HYDIN: variants seen among roughly 807,000 people sequenced by gnomAD.
HYDIN encodes axonemal central pair apparatus protein HYDIN.
HYDIN carries 132 observed loss-of-function variants against 403.9 expected under a neutral mutation model. The ratio of observed to expected loss-of-function variants is 0.33; its 90% CI spans 0.28 to 0.38. HYDIN has a LOEUF of 0.38. Ranked by LOEUF, HYDIN falls within the 10% of genes least tolerant of loss-of-function variation. The pLI is 1.00. For missense variants in HYDIN, 2,827 were observed against 5,009.5 expected, an observed-to-expected ratio of 0.56 and a Z score of 13.15; for synonymous variants, 1,202 against 1,891.7, an observed-to-expected ratio of 0.64 and a Z score of 9.46.
intron 6 of HYDIN, among the ~76,000 whole-genome samples, chr16:71,161,238 C>T (rs1342107476): frequency 6.6e-6 from 1 of 151,412 alleles, no homozygotes; most frequent in East Asian, 2.0e-4. Context: ...GGTGTGTGCT[C>T]CTATGAGAAT....
intron 1 of HYDIN, among the ~76,000 whole-genome samples, chr16:71,220,869 C>T (rs1195731749): frequency 2.6e-5 from 4 of 152,166 alleles, no homozygotes; most frequent in Non-Finnish European, 5.9e-5. Flanking sequence ...TGAACCAACT[C>T]TCCTGCTGAA....
chr16:70,972,863 T>C (rs1391717941), intron 35 of HYDIN, among the ~76,000 whole-genome samples: 1 of 152,230 alleles, frequency 6.6e-6, no homozygotes, highest in Non-Finnish European at 1.5e-5. Flanking sequence ...AACTAAGTTG[T>C]ACAAATAAAG....
At chr16:71,031,060 C>T (rs2080889215) in intron 19 of HYDIN, among the ~76,000 whole-genome samples, 1 of 149,878 alleles carries the variant, frequency 6.7e-6, no homozygotes, top group Non-Finnish European at 1.5e-5. Flanking sequence ...ATTAGCCAGG[C>T]GTGGTGGTGG....
At position 70,985,167 on chromosome 16, in the gene HYDIN, C is replaced by T. The variant is rs763034335; in HGVS notation, c.4332+18G>A. ...GGCTCGTAGGTTTGAATTCGGGCCC[C>T]TCCCACCATTTACTTACAGACACAG... On this transcript the variant is annotated intron_variant, in intron 28 of 85. Coordinates refer to ENST00000393567, the MANE Select transcript of HYDIN (RefSeq NM_001270974.2). 5.6e-6 allele frequency: 9 copies of T among 1,611,552 alleles called. No homozygotes were observed. Among genetic ancestry groups the T allele is most frequent in the Non-Finnish European group, 7.6e-6 (9 of 1,178,550 alleles).
At chr16:71,167,030 A>G (rs2040200538) in intron 5 of HYDIN, among the ~76,000 whole-genome samples, 1 of 148,004 alleles carries the variant, frequency 6.8e-6, no homozygotes, top group African/African-American at 2.5e-5. Context: ...GCACCACTGC[A>G]CCCCAGCCTG....
intron 75 of HYDIN, among the ~76,000 whole-genome samples, chr16:70,848,308 A>G (rs2038362574): frequency 1.3e-5 from 2 of 151,842 alleles, no homozygotes; most frequent in Admixed American, 1.3e-4. Flanking sequence ...GTATTTGTCT[A>G]TTAAGTCCAA....
At chr16:71,105,006 G>A (rs2083569417) in intron 10 of HYDIN, among the ~76,000 whole-genome samples, 1 of 134,966 alleles carries the variant, frequency 7.4e-6, no homozygotes, top group South Asian at 2.6e-4. Flanking sequence ...TATCCTAAGA[G>A]TTTGAGGTAA....
intron 23 of HYDIN, among the ~76,000 whole-genome samples, chr16:70,998,255 CAAGTATATGGAA>C (rs2079593129): frequency 6.6e-6 from 1 of 151,938 alleles, no homozygotes; most frequent in Non-Finnish European, 1.5e-5. Flanking sequence ...GAAAACATTT[CAAGTATATGGAA>C]AGAAAATGTC....
Position 71,069,456 on chromosome 16 carries a change from G to A in HYDIN, c.1785C>T (p.Ile595=). 6.2e-7 allele frequency: 1 copy of A among 1,613,766 alleles called. No homozygotes were observed. Among genetic ancestry groups the A allele is most frequent in the Non-Finnish European group, 8.5e-7 (1 of 1,179,794 alleles). ...GGATACGCAGTTTGTAAGTCATGGG[G>A]ATCAAAGAGGTATTATTGAGGGAAC... ...LICSLNNTSL[I]PMTYKLRIPG... is the part of the protein sequence containing the mutation. Residue 595 remains isoleucine (I), a synonymous_variant, in exon 14 of 86, where the codon ATC becomes ATT. Transcript: ENST00000393567.
At chr16:71,107,698 AG>A (rs1283708323) in intron 10 of HYDIN, among the ~76,000 whole-genome samples, 1 of 152,006 alleles carries the variant, frequency 6.6e-6, no homozygotes, top group African/African-American at 2.4e-5. Flanking sequence ...TGTAAAGAAA[AG>A]GGAACACTTA....
intron 12 of HYDIN, among the ~76,000 whole-genome samples, chr16:71,085,233 TTTTG>T (rs1452861566): frequency 1.2e-5 from 1 of 83,052 alleles, no homozygotes; most frequent in Non-Finnish European, 2.4e-5. Flanking sequence ...TGATCTTGTT[TTTTG>T]TTTGTTTGTT....
chr16:71,082,702 C>T (rs1487993391), intron 12 of HYDIN, among the ~76,000 whole-genome samples: 4 of 132,952 alleles, frequency 3.0e-5, no homozygotes. Context: ...ACACCTTAAC[C>T]TATTTAGACA....
chr16:70,934,119 C>A (rs1232971438), intron 45 of HYDIN, among the ~76,000 whole-genome samples: 1 of 151,996 alleles, frequency 6.6e-6, no homozygotes, highest in Non-Finnish European at 1.5e-5. Context: ...TGGAGGAGGA[C>A]GTCAAGCAAG....
In HYDIN at chr16:71,186,752, A is replaced by T; in HGVS notation, c.135+9T>A. The T allele has an allele frequency of 6.2e-7, 1 of 1,608,554 alleles. No individual in the cohort carries two copies. Among genetic ancestry groups the T allele is most frequent in the East Asian group, 2.2e-5 (1 of 44,800 alleles). Reference sequence around the variant, plus strand: ...AAGTATTTTACATATTAATTCCCGGATACATTACCATTCGGTTTACTTCTT... The same window carrying T: ...AAGTATTTTACATATTAATTCCCGGTTACATTACCATTCGGTTTACTTCTT... On this transcript the variant is annotated intron_variant, in intron 2 of 85. Coordinates refer to ENST00000393567, the MANE Select transcript of HYDIN (RefSeq NM_001270974.2).
At chr16:70,922,018 T>C (rs529772754) in intron 45 of HYDIN, among the ~76,000 whole-genome samples, 2 of 152,342 alleles carry the variant, frequency 1.3e-5, no homozygotes, top group East Asian at 3.9e-4. Flanking sequence ...CAAAGTCCAT[T>C]CCAGTCTAGT....
At chr16:70,826,705 A>ATCTCTCTC (rs3043151) in intron 83 of HYDIN, among the ~76,000 whole-genome samples, 45 of 129,094 alleles carry the variant, frequency 3.5e-4, no homozygotes, top group South Asian at 1.8e-3. Flanking sequence ...TCTTGCCAGC[A>ATCTCTCTC]TCTCTCTCTC....
At chr16:70,909,688 CTTTTTTTTTTTTTTTTT>C (rs74464612) in intron 47 of HYDIN, among the ~76,000 whole-genome samples, 2 of 64,778 alleles carry the variant, frequency 3.1e-5, no homozygotes, top group East Asian at 5.5e-4. Context: ...TCAGGCATGT[CTTTTTTTTTTTTTTTTT>C]TTTTTTTTGA....
chr16:70,902,836 T>G (rs2076430682), intron 52 of HYDIN, among the ~76,000 whole-genome samples: 1 of 133,512 alleles, frequency 7.5e-6, no homozygotes, highest in Non-Finnish European at 1.5e-5. Flanking sequence ...TTTTTTTTTT[T>G]TTGTCCCACT....
rs895036995 is a variant in HYDIN at position 70,803,042 on chromosome 16, G to A, written c.*4538C>T. Among the ~76,000 whole-genome samples the A allele has an allele frequency of 2.6e-5, 4 of 152,292 alleles. No homozygotes were observed. The highest frequency in any genetic ancestry group is 1.9e-4 in the East Asian group (1 of 5,188). On this transcript the variant is annotated 3_prime_UTR_variant, in exon 86 of 86. Transcript: ENST00000393567. ...TTCTCCAATGTGTGTGCATTTCCAC[G>A]GGACGCATATCTAATATATTTCATG...
Sources: allele counts gnomAD v4.1 joint callset (sites outside exome capture counted in the v4.1 genomes callset), GRCh38; gene constraint gnomAD v4.1.1; transcripts MANE v1.5; gene names NCBI Gene and HGNC (gene_info 2026-07-23, HGNC 2026-07-21).